RABEP1: variants seen among roughly 807,000 people sequenced by gnomAD.
The protein encoded by RABEP1 is rabaptin, RAB GTPase binding effector protein 1, also known as rab GTPase-binding effector protein 1.
A neutral mutation model predicts 123.4 loss-of-function variants in RABEP1; 51 were observed. The ratio of observed to expected loss-of-function variants is 0.41; its 90% CI spans 0.33 to 0.52. The LOEUF (loss-of-function observed/expected upper bound fraction) is 0.52, where lower values mean the gene tolerates loss of function less well. Among genes scored for constraint, RABEP1 ranks in the 20% least tolerant of loss-of-function variants. The pLI is 0.16. For missense variants in RABEP1, 888 were observed against 996.3 expected (o/e 0.89, Z 1.46); for synonymous variants, 347 against 355.2 (o/e 0.98, Z 0.26).
intron 1 of RABEP1, among the ~76,000 whole-genome samples, chr17:5,291,171 G>T (rs1377589149): frequency 6.6e-6 from 1 of 152,164 alleles, no homozygotes; most frequent in Non-Finnish European, 1.5e-5. Context: ...AGCACTTTGG[G>T]AGGCTGAAGT....
chr17:5,326,527 C>A (rs1905984938), intron 2 of RABEP1, among the ~76,000 whole-genome samples: 1 of 152,158 alleles, frequency 6.6e-6, no homozygotes, highest in South Asian at 2.1e-4. Flanking sequence ...ATTTTTAGAG[C>A]AGTGAAACTA....
chr17:5,299,731 C>CTTTTTTTTTTTTTTTTT (rs1171650180), intron 1 of RABEP1, among the ~76,000 whole-genome samples: 9 of 96,868 alleles, frequency 9.3e-5, no homozygotes, highest in Non-Finnish European at 1.3e-4. Flanking sequence ...TTTTCTTTTT[C>CTTTTTTTTTTTTTTTTT]TTTTTTTTTT....
chr17:5,349,309 A>G (rs761295550), intron 6 of RABEP1, among the ~76,000 whole-genome samples: 1 of 152,224 alleles, frequency 6.6e-6, no homozygotes, highest in Non-Finnish European at 1.5e-5. Context: ...TGTTTAAGTC[A>G]TAAGTGCTGG....
At position 5,332,295 on chromosome 17, in the gene RABEP1, TAAAAG is replaced by T. The variant is rs372336662; in HGVS notation, c.367+145_367+149del. 1,203 of 778,540 alleles carry T rather than the reference TAAAAG, an allele frequency of 1.5e-3. 6 individuals carry two copies. Among genetic ancestry groups the T allele is most frequent in the African/African-American group, 0.013 (762 of 57,074 alleles). 48.2% of individuals were successfully genotyped at this position (778,540 alleles called of 1,614,324 possible). On this transcript the variant is annotated intron_variant, in intron 3 of 17. Transcript: ENST00000537505. The stretch of plus-strand genomic sequence containing the variant: ...GTCATCATCAAGATATACTTTCAGA[TAAAAG>T]AGAAGTCACTAATAACATAAATGGA...
intron 5 of RABEP1, among the ~76,000 whole-genome samples, chr17:5,341,766 G>A (rs1297204781): frequency 6.6e-6 from 1 of 152,214 alleles, no homozygotes; most frequent in Non-Finnish European, 1.5e-5. Context: ...TGTATTCCCA[G>A]AAATTTATCG....
chr17:5,285,051 G>A (rs981282919), intron 1 of RABEP1, among the ~76,000 whole-genome samples: 2 of 151,966 alleles, frequency 1.3e-5, no homozygotes, highest in African/African-American at 4.8e-5. Flanking sequence ...GTAAATCGAA[G>A]GGATGAAATG....
chr17:5,349,687 GTACT>G (rs1010194513), intron 6 of RABEP1, among the ~76,000 whole-genome samples: 17 of 151,824 alleles, frequency 1.1e-4, no homozygotes, highest in African/African-American at 4.1e-4. Flanking sequence ...ATTCCCTAGA[GTACT>G]TGTTATTTGA....
At chr17:5,345,435 A>G (rs973552743) in intron 5 of RABEP1, among the ~76,000 whole-genome samples, 7 of 152,178 alleles carry the variant, frequency 4.6e-5, no homozygotes, top group Admixed American at 1.3e-4. Flanking sequence ...GTATGTCACT[A>G]TTGCCATCAT....
intron 13 of RABEP1, among the ~76,000 whole-genome samples, chr17:5,373,722 A>G (rs1273575695): frequency 6.7e-6 from 1 of 150,302 alleles, no homozygotes; most frequent in African/African-American, 2.5e-5. Flanking sequence ...ACACACACAC[A>G]CACACACACA....
At position 5,361,627 on chromosome 17, in the gene RABEP1, T is replaced by A. The variant is rs745730639; in HGVS notation, c.1515T>A (p.Ser505Arg). The change falls in exon 9 of 18, where the codon AGT becomes AGA. Residue 505 changes from serine to arginine, a missense_variant. Physicochemically the swap from Ser to Arg is moderately radical, Grantham distance 110. Coordinates refer to ENST00000537505, the MANE Select transcript of RABEP1 (RefSeq NM_004703.6). ...QGMESAYVSPSGYRLVSETEW... is the reference protein window; with the variant it reads ...QGMESAYVSPRGYRLVSETEW... ...TGGAGAGTGCCTATGTGTCCCCTAGTGGTTATCGTTTAGTTAGTGAAACAG... is the reference window on the plus strand; with the variant it reads ...TGGAGAGTGCCTATGTGTCCCCTAGAGGTTATCGTTTAGTTAGTGAAACAG... 2.5e-6 allele frequency: 4 copies of A among 1,611,680 alleles called. No individual in the cohort carries two copies. Among genetic ancestry groups the A allele is most frequent in the Non-Finnish European group, 8.5e-7 (1 of 1,179,296 alleles).
Position 5,377,179 on chromosome 17 carries a change from C to G in RABEP1, c.2089C>G (p.His697Asp), listed in dbSNP as rs770291571. ...DIINVRTAAD[H>D]VEEKLKAEIL... is the part of the protein sequence containing the mutation. Reference sequence around the variant, plus strand: ...CATTAATGTGCGGACAGCAGCAGACCACGTAGAAGAAAAGCTGAAGGCTGA... The same window carrying G: ...CATTAATGTGCGGACAGCAGCAGACGACGTAGAAGAAAAGCTGAAGGCTGA... Residue 697 changes from histidine to aspartate, a missense_variant, in exon 14 of 18, where the codon CAC becomes GAC. His to Asp is a moderately conservative substitution (Grantham distance 81). Coordinates refer to ENST00000537505, the MANE Select transcript of RABEP1 (RefSeq NM_004703.6). The G allele has an allele frequency of 5.0e-6, 8 of 1,612,764 alleles. No individual in the cohort carries two copies. The highest frequency in any genetic ancestry group is 1.3e-5 in the African/African-American group (1 of 74,718).
chr17:5,368,490 A>G, intron 12 of RABEP1, 22 bp downstream of exon 12: 1 of 1,509,186 alleles, frequency 6.6e-7, no homozygotes, highest in Non-Finnish European at 9.2e-7. Context: ...TTTTAAGTAA[A>G]TGACAACTAT....
At position 5,340,639 on chromosome 17, in the gene RABEP1, T is replaced by TAAA. The variant is rs57830996; in HGVS notation, c.648+2514_648+2516dup. On this transcript the variant is annotated intron_variant, in intron 5 of 17. Coordinates refer to ENST00000537505, the MANE Select transcript of RABEP1 (RefSeq NM_004703.6). ...AATGATGTGAATAATGCCAGATCTT[T>TAAA]AAAAAAAAAAAAAAAGTACAAACTG... 2.1e-3 allele frequency among the ~76,000 whole-genome samples: 305 copies of TAAA among 142,830 alleles called. 4 individuals are homozygous for TAAA. The highest frequency in any genetic ancestry group is 0.01 in the South Asian group (48 of 4,588). The allele number at this position is 142,830 out of a possible 152,430, so 93.7% of individuals were successfully genotyped here.
chr17:5,310,930 C>T (rs1336841985), intron 2 of RABEP1, among the ~76,000 whole-genome samples: 3 of 151,758 alleles, frequency 2.0e-5, no homozygotes, highest in Non-Finnish European at 4.4e-5. Context: ...GTGCCTTAGC[C>T]TCCCTAGTAG....
chr17:5,334,356 C>T (rs564943995), intron 3 of RABEP1, among the ~76,000 whole-genome samples: 5 of 152,140 alleles, frequency 3.3e-5, no homozygotes, highest in South Asian at 2.1e-4. Context: ...CTCAGCCTTC[C>T]GAGTAGCTGG....
intron 5 of RABEP1, among the ~76,000 whole-genome samples, chr17:5,344,808 A>T (rs962597680): frequency 6.8e-6 from 1 of 146,290 alleles, no homozygotes; most frequent in Non-Finnish European, 1.5e-5. Context: ...AAAAACAGGT[A>T]AAGTATAGCT....
intron 2 of RABEP1, among the ~76,000 whole-genome samples, chr17:5,326,849 C>T (rs564196048): frequency 1.2e-4 from 19 of 152,174 alleles, no homozygotes; most frequent in Middle Eastern, 3.4e-3. Flanking sequence ...TTCGTGATGG[C>T]GATACATTCT....
Position 5,283,114 on chromosome 17 carries a change from G to C in RABEP1, c.34+594G>C, listed in dbSNP as rs1004601512. Among the ~76,000 whole-genome samples the C allele has an allele frequency of 3.3e-5, 5 of 152,004 alleles. No individual in the cohort carries two copies. In the South Asian group the frequency reaches 6.2e-4, roughly 19 times the overall value. On this transcript the variant is annotated intron_variant, in intron 1 of 17. Transcript: ENST00000537505. ...AGCTCTGGGCTCATTTCTTAGCCTC[G>C]TTGAGCCTCAGTATTCTCACCCACG...
Position 5,361,507 on chromosome 17 carries a change from G to T in RABEP1, c.1395G>T (p.Gly465=). The T allele has an allele frequency of 1.2e-6, 2 of 1,614,186 alleles. No individual in the cohort carries two copies. The highest frequency in any genetic ancestry group is 1.7e-6 in the Non-Finnish European group (2 of 1,180,040). The change falls in exon 9 of 18, where the codon GGG becomes GGT. Residue 465 remains glycine (G), a synonymous_variant. Coordinates refer to ENST00000537505, the MANE Select transcript of RABEP1 (RefSeq NM_004703.6). ...TTGGGTCACTCCAGATGCCAAGTGG[G>T]TTTATGTTAACCAAAGATCAGGAAA... ...ASLGSLQMPS[G]FMLTKDQERA...
Sources: gnomAD v4.1 joint callset for allele counts (sites outside exome capture counted in the v4.1 genomes callset) on GRCh38, gnomAD v4.1.1 for gene constraint, MANE v1.5 for transcripts, NCBI Gene and HGNC (gene_info 2026-07-23, HGNC 2026-07-21) for gene names.